The following PAK4 variants were observed in gnomAD, a reference collection of about 807,000 sequenced individuals.
PAK4 encodes p21 (RAC1) activated kinase 4.
Under a neutral mutation model 53.5 loss-of-function variants are expected in PAK4, and 49 were observed. The observed-to-expected ratio is 0.92, with a 90% CI of 0.73 to 1.16. The LOEUF is 1.16. Ranked by LOEUF, PAK4 falls within the 50% of genes most tolerant of loss-of-function variation. The pLI is 0.00. For synonymous variants in PAK4, 376 were observed against 375.6 expected, an observed-to-expected ratio of 1.00 and a Z score of -0.01; for missense variants, 824 against 850.7, an observed-to-expected ratio of 0.97 and a Z score of 0.39.
At chr19:39,141,394 C>T (rs959037783) in intron 1 of PAK4, among the ~76,000 whole-genome samples, 2 of 151,562 alleles carry the variant, frequency 1.3e-5, no homozygotes, top group African/African-American at 2.4e-5. Context: ...TGGCTCACTG[C>T]AACCTCCGCC....
At position 39,173,768 on chromosome 19, in the gene PAK4, C is replaced by T; in HGVS notation, c.856C>T (p.Pro286Ser). The T allele has an allele frequency of 1.3e-6, 2 of 1,592,234 alleles. No individual in the cohort carries two copies. The highest frequency in any genetic ancestry group is 2.3e-5 in the East Asian group (1 of 43,632). The change falls in exon 4 of 9, where the codon CCC becomes TCC. Residue 286 changes from proline (P) to serine (S), a missense_variant. By Grantham distance (74) the Pro-to-Ser change is moderately conservative. Transcript: ENST00000358301. The surrounding 1 kb of genome is among the most constrained non-coding windows in gnomAD (Gnocchi z 6.9). ...CCCCGCCGCCCCTGCTGTTCCTGGGCCCCCTGGCCCCCGCTCACCACAGCG... is the reference window on the plus strand; with the variant it reads ...CCCCGCCGCCCCTGCTGTTCCTGGGTCCCCTGGCCCCCGCTCACCACAGCG...
chr19:39,133,834 T>G (rs1487146733), intron 1 of PAK4, among the ~76,000 whole-genome samples: 1 of 152,136 alleles, frequency 6.6e-6, no homozygotes, highest in Non-Finnish European at 1.5e-5. Flanking sequence ...CACACTTCAC[T>G]CCCAGAGGCG....
At chr19:39,134,401 G>A (rs1838575638) in intron 1 of PAK4, among the ~76,000 whole-genome samples, 1 of 152,156 alleles carries the variant, frequency 6.6e-6, no homozygotes, top group Admixed American at 6.5e-5. Context: ...GGTGGTCACT[G>A]TGTCCTTGCT....
chr19:39,137,270 A>G (rs914708175), intron 1 of PAK4, among the ~76,000 whole-genome samples: 1 of 152,112 alleles, frequency 6.6e-6, no homozygotes, highest in African/African-American at 2.4e-5. Context: ...CTCTGGAGCC[A>G]TCTGGGGCAC....
chr19:39,133,537 A>G (rs1341954180), intron 1 of PAK4, among the ~76,000 whole-genome samples: 1 of 152,122 alleles, frequency 6.6e-6, no homozygotes, highest in African/African-American at 2.4e-5. Flanking sequence ...CCTGGCTGGT[A>G]ATCGCTGTGG....
At chr19:39,148,441 T>C (rs1197982643) in intron 1 of PAK4, among the ~76,000 whole-genome samples, 1 of 142,938 alleles carries the variant, frequency 7.0e-6, no homozygotes, top group African/African-American at 2.6e-5. Flanking sequence ...GTGCCCTGTC[T>C]TAGGTACCAA....
rs990483749 is a variant in PAK4 at position 39,175,806 on chromosome 19, C to T, written c.1359+368C>T. The stretch of plus-strand genomic sequence containing the variant: ...CCAGTCCTGTCTTCCATGCTTTGGA[C>T]TGAGGTTCCAAATCTGAGGCTGTGA... On this transcript the variant is annotated intron_variant, in intron 6 of 8. Transcript: ENST00000358301. This position sits in a 1 kb window ranked among gnomAD's most constrained non-coding sequence, Gnocchi z 4.7. 6.6e-6 allele frequency among the ~76,000 whole-genome samples: 1 copy of T among 152,252 alleles called. No individual in the cohort carries two copies. Among genetic ancestry groups the T allele is most frequent in the East Asian group, 1.9e-4 (1 of 5,200 alleles).
At chr19:39,154,394 T>C (rs986870998) in intron 1 of PAK4, among the ~76,000 whole-genome samples, 4 of 152,098 alleles carry the variant, frequency 2.6e-5, no homozygotes, top group African/African-American at 7.2e-5. Context: ...CAGGTAATCA[T>C]GTGTGTACCC....
At position 39,173,481 on chromosome 19, in the gene PAK4, C is replaced by A; in HGVS notation, c.664-95C>A. On this transcript the variant is annotated intron_variant, in intron 3 of 8. Transcript: ENST00000358301. The surrounding 1 kb of genome is among the most constrained non-coding windows in gnomAD (Gnocchi z 6.9). ...CACCGTGCATCTCATCCTGACCACC[C>A]ATGTGTCTGTCCCATCGCTGGGTCT... 2 of 1,344,420 alleles carry A rather than the reference C, an allele frequency of 1.5e-6. No individual in the cohort carries two copies. The highest frequency in any genetic ancestry group is 2.0e-6 in the Non-Finnish European group (2 of 988,066). The allele number at this position is 1,344,420 out of a possible 1,614,324, so 83.3% of individuals were successfully genotyped here.
chr19:39,136,876 A>G (rs2073825077), intron 1 of PAK4, among the ~76,000 whole-genome samples: 1 of 152,138 alleles, frequency 6.6e-6, no homozygotes, highest in South Asian at 2.1e-4. Context: ...ATGCCACTTG[A>G]AGGATGAACT....
chr19:39,175,796 A>T lies in PAK4; in HGVS notation c.1359+358A>T, dbSNP rs948013368. 8.5e-5 allele frequency among the ~76,000 whole-genome samples: 13 copies of T among 152,230 alleles called. No homozygotes were observed. Among genetic ancestry groups the T allele is most frequent in the East Asian group, 3.8e-4 (2 of 5,196 alleles). ...TCCATGGACCCCAGTCCTGTCTTCC[A>T]TGCTTTGGACTGAGGTTCCAAATCT... is the stretch of plus-strand genomic sequence containing the variant. On this transcript the variant is annotated intron_variant, in intron 6 of 8. Transcript: ENST00000358301. This position sits in a 1 kb window ranked among gnomAD's most constrained non-coding sequence, Gnocchi z 4.7.
intron 1 of PAK4, among the ~76,000 whole-genome samples, chr19:39,158,132 C>A (rs900872015): frequency 6.7e-6 from 1 of 149,490 alleles, no homozygotes; most frequent in Non-Finnish European, 1.5e-5. Flanking sequence ...TGCGTGCGTG[C>A]ATGTGTGAGC....
intron 1 of PAK4, among the ~76,000 whole-genome samples, chr19:39,162,485 C>G (rs1361156652): frequency 2.0e-5 from 3 of 152,144 alleles, no homozygotes; most frequent in African/African-American, 4.8e-5. Context: ...CCAAGCTGAT[C>G]TTGAACTCCT....
intron 2 of PAK4, among the ~76,000 whole-genome samples, chr19:39,170,172 G>C (rs2074452179): frequency 1.3e-5 from 2 of 152,184 alleles, no homozygotes; most frequent in Admixed American, 1.3e-4. Flanking sequence ...GTCAGGGCTT[G>C]GGTGGGGGAG....
Position 39,173,624 on chromosome 19 carries a change from G to A in PAK4, c.712G>A (p.Ala238Thr), listed in dbSNP as rs371973365. The A allele has an allele frequency of 4.5e-6, 7 of 1,545,242 alleles. No individual in the cohort carries two copies. Among genetic ancestry groups the A allele is most frequent in the Middle Eastern group, 3.5e-4 (2 of 5,722 alleles). ...TAACGGGCCATCAGCGGGGGGCCTG[G>A]CCATCCCCCAGTCCTCCTCCTCCTC... Residue 238 changes from alanine to threonine, a missense_variant, in exon 4 of 9, where the codon GCC becomes ACC. Transcript: ENST00000358301. The surrounding 1 kb of genome is among the most constrained non-coding windows in gnomAD (Gnocchi z 6.9).
chr19:39,174,887 C>T, intron 4 of PAK4, 44 bp from the exon 6 acceptor site: 1 of 1,610,292 alleles, frequency 6.2e-7, no homozygotes, highest in Non-Finnish European at 8.5e-7. Context: ...CTGGCACTGG[C>T]AGCCCTCCCG....
At position 39,173,446 on chromosome 19, in the gene PAK4, C is replaced by G; in HGVS notation, c.663+70C>G. The G allele has an allele frequency of 7.3e-7, 1 of 1,367,382 alleles. No individual in the cohort carries two copies. Among genetic ancestry groups the G allele is most frequent in the Non-Finnish European group, 9.8e-7 (1 of 1,015,440 alleles). The allele number at this position is 1,367,382 out of a possible 1,614,324, so 84.7% of individuals were successfully genotyped here. ...TGCTCCTCTGTCCCCACCTTCCAGC[C>G]CCGCCCCACCACCGTGCATCTCATC... On this transcript the variant is annotated intron_variant, in intron 3 of 8. Transcript: ENST00000358301. The surrounding 1 kb of genome is among the most constrained non-coding windows in gnomAD (Gnocchi z 6.9).
downstream of PAK4, chr19:39,179,611 C>T (rs1352423551): frequency 6.6e-6 from 1 of 152,216 alleles, no homozygotes; most frequent in African/African-American, 2.4e-5. Context: ...ATTGTCCCCA[C>T]CCCTGGAAGC....
At chr19:39,144,632 T>C (rs1449526965) in intron 1 of PAK4, among the ~76,000 whole-genome samples, 4 of 152,176 alleles carry the variant, frequency 2.6e-5, no homozygotes, top group Non-Finnish European at 5.9e-5. Flanking sequence ...ACCTGGCTGT[T>C]GTGGCATGAG....
Sources: gnomAD v4.1 joint callset for allele counts (sites outside exome capture counted in the v4.1 genomes callset) on GRCh38, gnomAD v4.1.1 for gene constraint, Gnocchi (gnomAD v3.1) non-coding constraint, MANE v1.5 for transcripts, NCBI Gene and HGNC (gene_info 2026-07-23, HGNC 2026-07-21) for gene names.